Variants in CRMP1 observed in about 807,000 individuals in gnomAD.
The protein encoded by CRMP1 is collapsin response mediator protein 1.
A neutral mutation model predicts 68.3 loss-of-function variants in CRMP1; 19 were observed. The ratio of observed to expected loss-of-function variants is 0.28; its 90% CI spans 0.19 to 0.41. The LOEUF is 0.41. CRMP1 is among the 10% of genes least tolerant of loss of function. The pLI is 1.00. For synonymous variants in CRMP1, 439 were observed against 399.6 expected, an observed-to-expected ratio of 1.10 and a Z score of -1.18; for missense variants, 791 against 967.4, an observed-to-expected ratio of 0.82 and a Z score of 2.42.
rs1577847524 is a variant in CRMP1 at position 5,883,278 on chromosome 4, T to C, written c.381+9311A>G. Reference sequence around the variant, plus strand: ...TTCCTTCCTCCCTCCCTCCCTCCCTTCCTGTCTTTCTATCTTTCTCTTTCT... The same window carrying C: ...TTCCTTCCTCCCTCCCTCCCTCCCTCCCTGTCTTTCTATCTTTCTCTTTCT... On this transcript the variant is annotated intron_variant, in intron 1 of 13. Transcript: ENST00000324989. The surrounding 1 kb of genome is among the most constrained non-coding windows in gnomAD (Gnocchi z 4.5). 1.4e-5 allele frequency among the ~76,000 whole-genome samples: 2 copies of C among 146,502 alleles called. No homozygotes were observed. Among genetic ancestry groups the C allele is most frequent in the Admixed American group, 6.8e-5 (1 of 14,776 alleles).
intron 2 of CRMP1, among the ~76,000 whole-genome samples, chr4:5,862,786 G>A (rs1713676180): frequency 6.6e-6 from 1 of 152,308 alleles, no homozygotes; most frequent in African/African-American, 2.4e-5. Context: ...TTCAGTGGGG[G>A]CCAACAAGTA....
In CRMP1 at chr4:5,821,385, A is replaced by G. The variant is rs1253331028; in HGVS notation, c.*375T>C. ...AGACTTGCATACGTAATTTAGTAAC[A>G]TGCATCAACTATCCTAGAACATCTA... is the stretch of plus-strand genomic sequence containing the variant. On this transcript the variant is annotated 3_prime_UTR_variant, in exon 14 of 14. Coordinates refer to ENST00000324989, the MANE Select transcript of CRMP1 (RefSeq NM_001014809.3). This position sits in a 1 kb window ranked among gnomAD's most constrained non-coding sequence, Gnocchi z 4.4. The G allele has an allele frequency of 4.5e-6, 1 of 220,766 alleles. No homozygotes were observed. Among genetic ancestry groups the G allele is most frequent in the African/African-American group, 2.2e-5 (1 of 45,128 alleles). 13.7% of individuals were successfully genotyped at this position (220,766 alleles called of 1,614,324 possible).
At chr4:5,878,728 T>G (rs939046998) in intron 1 of CRMP1, among the ~76,000 whole-genome samples, 1 of 152,130 alleles carries the variant, frequency 6.6e-6, no homozygotes, top group African/African-American at 2.4e-5. Context: ...TGTGCTTCTG[T>G]TTCTCATCAA....
Position 5,854,653 on chromosome 4 carries a change from T to G in CRMP1, c.820+1490A>C, listed in dbSNP as rs966059684. Among the ~76,000 whole-genome samples the G allele has an allele frequency of 2.0e-5, 3 of 152,152 alleles. No homozygotes were observed. The highest frequency in any genetic ancestry group is 7.2e-5 in the African/African-American group (3 of 41,426). ...ATAAGGAAAAATGTATGCAAAATGTTGAATGTAATCAGTAAAGAACTGCCA... is the reference window on the plus strand; with the variant it reads ...ATAAGGAAAAATGTATGCAAAATGTGGAATGTAATCAGTAAAGAACTGCCA... On this transcript the variant is annotated intron_variant, in intron 4 of 13. Transcript: ENST00000324989. The surrounding 1 kb of genome is among the most constrained non-coding windows in gnomAD (Gnocchi z 4.0).
chr4:5,835,771 G>T, intron 11 of CRMP1, 144 bp downstream of exon 11: 1 of 979,688 alleles, frequency 1.0e-6, no homozygotes, highest in Non-Finnish European at 1.4e-6. Flanking sequence ...TCTCCAACTG[G>T]AGGAGAAATG....
chr4:5,886,118 C>T (rs546550415), intron 1 of CRMP1, among the ~76,000 whole-genome samples: 129 of 152,288 alleles, frequency 8.5e-4, no homozygotes, highest in African/African-American at 2.9e-3. Flanking sequence ...AAACCACAAA[C>T]GCTTCTGGCT....
In CRMP1 at chr4:5,860,629, A is replaced by ATT. The variant is rs34073650; in HGVS notation, c.655+395_655+396dup. 1.4e-5 allele frequency among the ~76,000 whole-genome samples: 2 copies of ATT among 145,988 alleles called. No individual in the cohort carries two copies. The highest frequency in any genetic ancestry group is 5.0e-5 in the African/African-American group (2 of 39,788). ...AGCCATCTTCACATCATGTTGAAGGATTTTTTTTTTTTTTGCTTTATCTCC... is the reference window on the plus strand; with the variant it reads ...AGCCATCTTCACATCATGTTGAAGGATTTTTTTTTTTTTTTTGCTTTATCTCC... On this transcript the variant is annotated intron_variant, in intron 3 of 13. Coordinates refer to ENST00000324989, the MANE Select transcript of CRMP1 (RefSeq NM_001014809.3). This position sits in a 1 kb window ranked among gnomAD's most constrained non-coding sequence, Gnocchi z 4.2.
chr4:5,855,934 A>C lies in CRMP1; in HGVS notation c.820+209T>G, dbSNP rs1713022048. On this transcript the variant is annotated intron_variant, in intron 4 of 13. Transcript: ENST00000324989. This position sits in a 1 kb window ranked among gnomAD's most constrained non-coding sequence, Gnocchi z 4.9. ...GCTGCAGAGACTGGATCTGCTTCTGAGAACAAGGACACCCCCAGAGGTTTT... is the reference window on the plus strand; with the variant it reads ...GCTGCAGAGACTGGATCTGCTTCTGCGAACAAGGACACCCCCAGAGGTTTT... 6.6e-6 allele frequency among the ~76,000 whole-genome samples: 1 copy of C among 152,194 alleles called. No homozygotes were observed. The highest frequency in any genetic ancestry group is 6.5e-5 in the Admixed American group (1 of 15,280).
In CRMP1 at chr4:5,823,921, GT is replaced by G. The variant is rs1560474755; in HGVS notation, c.1969+1572del. ...AGATATTAAAAAGGGCATCTGTGAG[GT>G]TGTTATGATGTTGGAAAGCATCTGT... On this transcript the variant is annotated intron_variant, in intron 13 of 13. Coordinates refer to ENST00000324989, the MANE Select transcript of CRMP1 (RefSeq NM_001014809.3). Among the ~76,000 whole-genome samples the G allele has an allele frequency of 3.3e-5, 5 of 152,204 alleles. 1 individual carries two copies.
chr4:5,841,271 C>T lies in CRMP1; in HGVS notation c.1153+37G>A, dbSNP rs761254075. ...CCTGCAGGACACCCCCTTCCAGGCCCCAGCTGCCCCCAGAAGGCCCAGGGC... is the reference window on the plus strand; with the variant it reads ...CCTGCAGGACACCCCCTTCCAGGCCTCAGCTGCCCCCAGAAGGCCCAGGGC... On this transcript the variant is annotated intron_variant, in intron 8 of 13. Coordinates refer to ENST00000324989, the MANE Select transcript of CRMP1 (RefSeq NM_001014809.3). The surrounding 1 kb of genome is among the most constrained non-coding windows in gnomAD (Gnocchi z 6.9). The T allele has an allele frequency of 2.5e-6, 4 of 1,613,648 alleles. No individual in the cohort carries two copies. In the South Asian group the frequency reaches 4.4e-5, roughly 18 times the overall value.
intron 1 of CRMP1, among the ~76,000 whole-genome samples, chr4:5,874,535 T>C (rs1351893838): frequency 6.6e-6 from 1 of 152,168 alleles, no homozygotes; most frequent in Non-Finnish European, 1.5e-5. Context: ...AGGGGAGTTC[T>C]GCGTATTTCA....
rs1389855510 is a variant in CRMP1 at position 5,839,557 on chromosome 4, A to G, written c.1275T>C (p.Pro425=). Residue 425 remains proline, a synonymous_variant, in exon 9 of 14, where the codon CCT becomes CCC. Transcript: ENST00000324989. ...FVTSPPLSPD[P]TTPDYLTSLL... ...GGGAGGTCAAGTAGTCGGGCGTGGT[A>G]GGGTCCGGGCTCAGGGGAGGGGAAG... The G allele has an allele frequency of 6.2e-7, 1 of 1,611,794 alleles. No homozygotes were observed. The highest frequency in any genetic ancestry group is 2.2e-5 in the East Asian group (1 of 44,842).
Position 5,888,681 on chromosome 4 carries a change from T to G in CRMP1, c.381+3908A>C. Reference sequence around the variant, plus strand: ...GACCCCCGCCCTGCGCACACGCCCTTGGCGGGCCCTGGCCTCGCTCTCGCG... The same window carrying G: ...GACCCCCGCCCTGCGCACACGCCCTGGGCGGGCCCTGGCCTCGCTCTCGCG... On this transcript the variant is annotated intron_variant, in intron 1 of 13. Transcript: ENST00000324989. This position sits in a 1 kb window ranked among gnomAD's most constrained non-coding sequence, Gnocchi z 6.4. The G allele has an allele frequency of 1.1e-6, 1 of 869,870 alleles. No homozygotes were observed. The highest frequency in any genetic ancestry group is 1.3e-6 in the Non-Finnish European group (1 of 746,038). The allele number at this position is 869,870 out of a possible 1,614,324, so 53.9% of individuals were successfully genotyped here. A position where few individuals can be genotyped will look rare whatever the true frequency, so the allele number is the denominator to read the frequency against.
At chr4:5,839,368 G>C (rs989300666) in intron 9 of CRMP1, among the ~76,000 whole-genome samples, 154 bp downstream of exon 9, 2 of 152,204 alleles carry the variant, frequency 1.3e-5, no homozygotes, top group African/African-American at 4.8e-5. Flanking sequence ...GTGAGGGCCT[G>C]TTGTAAGCCA....
intron 1 of CRMP1, among the ~76,000 whole-genome samples, chr4:5,867,705 G>A (rs1023414803): frequency 1.3e-5 from 2 of 152,150 alleles, no homozygotes; most frequent in Non-Finnish European, 2.9e-5. Flanking sequence ...GGGGTATGTG[G>A]GGTTGAGGAG....
rs769173877 is a variant in CRMP1, at chr4:5,877,943, G to T, written c.382-11187C>A. ...ACGATGCTAGCTGCATGTGTGATCG[G>T]TAACTTGACCCATTTCTCTGTGTTC... On this transcript the variant is annotated intron_variant, in intron 1 of 13. Transcript: ENST00000324989. The surrounding 1 kb of genome is among the most constrained non-coding windows in gnomAD (Gnocchi z 4.3). 6.6e-6 allele frequency among the ~76,000 whole-genome samples: 1 copy of T among 152,226 alleles called. No individual in the cohort carries two copies. The highest frequency in any genetic ancestry group is 1.5e-5 in the Non-Finnish European group (1 of 68,048).
rs1033956153 is a variant in CRMP1, at chr4:5,870,057, C to T, written c.382-3301G>A. ...AGGCATCAGAAACACATCATGCAGT[C>T]GGCTGCTCAAAGCTTCTTGCATCAG... On this transcript the variant is annotated intron_variant, in intron 1 of 13. Transcript: ENST00000324989. The surrounding 1 kb of genome is among the most constrained non-coding windows in gnomAD (Gnocchi z 6.0). Among the ~76,000 whole-genome samples the T allele has an allele frequency of 6.6e-6, 1 of 152,174 alleles. No individual in the cohort carries two copies. The highest frequency in any genetic ancestry group is 1.5e-5 in the Non-Finnish European group (1 of 68,034).
At chr4:5,839,831 G>A (rs1010915333) in intron 8 of CRMP1, among the ~76,000 whole-genome samples, 153 bp from the exon 9 acceptor site, 3 of 152,234 alleles carry the variant, frequency 2.0e-5, no homozygotes, top group Non-Finnish European at 4.4e-5. Context: ...CGCCTGCACC[G>A]CAGGGACCTT....
At chr4:5,882,076 G>A (rs1157153662) in intron 1 of CRMP1, among the ~76,000 whole-genome samples, 1 of 152,150 alleles carries the variant, frequency 6.6e-6, no homozygotes, top group Non-Finnish European at 1.5e-5. Flanking sequence ...GCTTCCACGG[G>A]TGTGTATTAG....
Sources: allele counts gnomAD v4.1 joint callset (sites outside exome capture counted in the v4.1 genomes callset), GRCh38; gene constraint gnomAD v4.1.1; non-coding constraint Gnocchi (gnomAD v3.1); transcripts MANE v1.5; gene names NCBI Gene and HGNC (gene_info 2026-07-23, HGNC 2026-07-21).